The following SKAP1 variants were observed in gnomAD, a reference collection of about 807,000 sequenced individuals.
SKAP1 encodes the protein src kinase associated phosphoprotein 1.
SKAP1 carries 44 observed loss-of-function variants against 58.5 expected under a neutral mutation model. The observed-to-expected ratio is 0.75, with a 90% CI of 0.59 to 0.97. The LOEUF (loss-of-function observed/expected upper bound fraction) is 0.97, where lower values mean the gene tolerates loss of function less well. Among genes scored for constraint, SKAP1 ranks in the 50% least tolerant of loss-of-function variants. The pLI is 0.00. For missense variants in SKAP1, 390 were observed against 435.2 expected, an observed-to-expected ratio of 0.90 and a Z score of 0.92; for synonymous variants, 127 against 149.7, an observed-to-expected ratio of 0.85 and a Z score of 1.11.
chr17:48,197,207 G>A (rs1204490277), intron 4 of SKAP1, among the ~76,000 whole-genome samples: 6 of 142,412 alleles, frequency 4.2e-5, no homozygotes, highest in Admixed American at 3.8e-4. Flanking sequence ...GCAGTGAGCC[G>A]AGATTGCGCC....
intron 7 of SKAP1, among the ~76,000 whole-genome samples, chr17:48,183,877 G>C (rs1316643): frequency 0.23 from 34,345 of 152,032 alleles, 4,164 homozygotes; most frequent in South Asian, 0.33. Flanking sequence ...AAGACTAAAA[G>C]TGTTACTTAA....
chr17:48,158,882 C>A (rs1333706544), intron 11 of SKAP1, among the ~76,000 whole-genome samples: 2 of 150,274 alleles, frequency 1.3e-5, no homozygotes, highest in Non-Finnish European at 3.0e-5. Context: ...ATGGCGTGAA[C>A]CCCAGGGGGC....
chr17:48,264,861 A>G (rs1427213455), intron 4 of SKAP1, among the ~76,000 whole-genome samples: 2 of 151,804 alleles, frequency 1.3e-5, no homozygotes, highest in African/African-American at 2.4e-5. Context: ...TCCTCTTGGG[A>G]TAAGTGATGA....
chr17:48,243,276 C>T (rs774512177), intron 4 of SKAP1, among the ~76,000 whole-genome samples: 1 of 152,080 alleles, frequency 6.6e-6, no homozygotes, highest in Admixed American at 6.5e-5. Flanking sequence ...CCCTGACTTC[C>T]CCTAGTAAAA....
At chr17:48,397,313 C>T (rs893878495) in intron 1 of SKAP1, among the ~76,000 whole-genome samples, 1 of 152,204 alleles carries the variant, frequency 6.6e-6, no homozygotes, top group African/African-American at 2.4e-5. Context: ...GCAACCTTCA[C>T]CTCCCAAGTT....
intron 4 of SKAP1, among the ~76,000 whole-genome samples, chr17:48,211,907 A>G (rs1304258310): frequency 1.3e-5 from 2 of 151,618 alleles, no homozygotes; most frequent in Admixed American, 1.3e-4. Flanking sequence ...CCATCCCTCT[A>G]CCTGCTTAAG....
chr17:48,261,621 G>C (rs1267909051), intron 4 of SKAP1, among the ~76,000 whole-genome samples: 2 of 152,068 alleles, frequency 1.3e-5, no homozygotes, highest in African/African-American at 4.8e-5. Flanking sequence ...CAGAGTCATG[G>C]GGGAACAAAC....
rs79686699 is a variant in SKAP1 at position 48,313,883 on chromosome 17, C to T, written c.280+32022G>A. 3.4e-3 allele frequency among the ~76,000 whole-genome samples: 516 copies of T among 152,080 alleles called. 11 individuals carry two copies. In the East Asian group the frequency reaches 0.038, roughly 11 times the overall value. On this transcript the variant is annotated intron_variant, in intron 4 of 12. Transcript: ENST00000336915. The stretch of plus-strand genomic sequence containing the variant: ...TGATGGTGGGGAGGTGGGGCATGTC[C>T]GCTAAGTTTGGTACAACAAATCCCA...
intron 4 of SKAP1, among the ~76,000 whole-genome samples, chr17:48,292,656 G>C (rs1271452428): frequency 4.6e-5 from 7 of 152,130 alleles, no homozygotes; most frequent in Non-Finnish European, 5.9e-5. Context: ...CTTTGAACCT[G>C]TTCATAAAGC....
intron 4 of SKAP1, among the ~76,000 whole-genome samples, chr17:48,211,083 T>C (rs1430905097): frequency 6.6e-6 from 1 of 152,064 alleles, no homozygotes; most frequent in Admixed American, 6.5e-5. Context: ...GAGTTTTGCA[T>C]CTTGGTGATC....
chr17:48,188,921 A>G (rs887485404), intron 5 of SKAP1, among the ~76,000 whole-genome samples: 2 of 152,190 alleles, frequency 1.3e-5, no homozygotes, highest in African/African-American at 4.8e-5. Context: ...AATCGCTTGA[A>G]CCAGGAGGTG....
At chr17:48,149,897 A>G (rs1188683448) in intron 11 of SKAP1, among the ~76,000 whole-genome samples, 1 of 152,184 alleles carries the variant, frequency 6.6e-6, no homozygotes, top group African/African-American at 2.4e-5. Flanking sequence ...CTTTAATGGC[A>G]AAGTTGTGAA....
chr17:48,307,255 A>T (rs1020686081), intron 4 of SKAP1: 4 of 152,228 alleles, frequency 2.6e-5, no homozygotes, highest in Admixed American at 2.6e-4. Context: ...ATTTTGGTAG[A>T]ACTATTCCAA....
intron 4 of SKAP1, among the ~76,000 whole-genome samples, chr17:48,234,281 G>A (rs1466802820): frequency 6.6e-6 from 1 of 152,138 alleles, no homozygotes; most frequent in African/African-American, 2.4e-5. Flanking sequence ...AAAATATCCA[G>A]ACTACTTTAA....
At chr17:48,178,769 T>C (rs1283483664) in intron 9 of SKAP1, among the ~76,000 whole-genome samples, 4 of 152,130 alleles carry the variant, frequency 2.6e-5, no homozygotes, top group Admixed American at 6.5e-5. Context: ...AAATTATCAT[T>C]TTTTTTAACG....
At chr17:48,255,557 C>T (rs995657446) in intron 4 of SKAP1, among the ~76,000 whole-genome samples, 1 of 151,712 alleles carries the variant, frequency 6.6e-6, no homozygotes, top group African/African-American at 2.4e-5. Flanking sequence ...AAATGATTCC[C>T]CTAACATTGA....
chr17:48,143,578 C>T (rs1456805336), intron 11 of SKAP1, among the ~76,000 whole-genome samples: 2 of 152,128 alleles, frequency 1.3e-5, no homozygotes, highest in Non-Finnish European at 2.9e-5. Context: ...AGGGCAGTTT[C>T]TGACTTAAGT....
chr17:48,189,049 G>T (rs557392683), intron 5 of SKAP1, among the ~76,000 whole-genome samples: 1 of 152,262 alleles, frequency 6.6e-6, no homozygotes, highest in Non-Finnish European at 1.5e-5. Context: ...TCTGAAATTT[G>T]AAAGTAGACT....
intron 4 of SKAP1, among the ~76,000 whole-genome samples, chr17:48,199,645 C>T (rs547618309): frequency 1.0e-3 from 154 of 152,206 alleles, no homozygotes; most frequent in South Asian, 7.7e-3. Flanking sequence ...TTTTCCTCAA[C>T]GTGCTCCATT....
Sources: gnomAD v4.1 joint callset for allele counts (sites outside exome capture counted in the v4.1 genomes callset) on GRCh38, gnomAD v4.1.1 for gene constraint, MANE v1.5 for transcripts, NCBI Gene and HGNC (gene_info 2026-07-23, HGNC 2026-07-21) for gene names.